Variants in C8orf34 observed in about 807,000 individuals in gnomAD.
The protein encoded by C8orf34 is uncharacterized protein C8orf34.
Under a neutral mutation model 68.3 loss-of-function variants are expected in C8orf34, and 65 were observed. The ratio of observed to expected loss-of-function variants is 0.95; its 90% CI spans 0.78 to 1.17. C8orf34 has a LOEUF of 1.17. C8orf34 is among the 50% of genes most tolerant of loss of function. The probability of loss-of-function intolerance (pLI) is 0.00; values close to 1 mark genes in which losing one functional copy is unlikely to be tolerated. For missense variants in C8orf34, 664 were observed against 655.4 expected (o/e 1.01, Z -0.14); for synonymous variants, 244 against 241.2 (o/e 1.01, Z -0.11).
intron 1 of C8orf34, among the ~76,000 whole-genome samples, chr8:68,413,503 C>T (rs1003086767): frequency 5.3e-5 from 8 of 152,304 alleles, no homozygotes; most frequent in Middle Eastern, 3.4e-3. Flanking sequence ...CTTTATCTCT[C>T]ATCTATCTGG....
intron 11 of C8orf34, among the ~76,000 whole-genome samples, chr8:68,784,822 G>GTGTGTA (rs1554613526): frequency 6.6e-6 from 1 of 152,070 alleles, no homozygotes; most frequent in Admixed American, 6.6e-5. Context: ...GTGTGTGTGT[G>GTGTGTA]TGTGTTTTCG....
At chr8:68,613,300 T>C (rs1818079547) in intron 7 of C8orf34, among the ~76,000 whole-genome samples, 2 of 152,102 alleles carry the variant, frequency 1.3e-5, no homozygotes, top group African/African-American at 2.4e-5. Flanking sequence ...CTTTTTATTT[T>C]ATTTTATTAT....
At chr8:68,717,684 G>T (rs1411710480) in intron 9 of C8orf34, among the ~76,000 whole-genome samples, 1 of 151,916 alleles carries the variant, frequency 6.6e-6, no homozygotes, top group Non-Finnish European at 1.5e-5. Flanking sequence ...TATACTAATA[G>T]ATGTGATATA....
chr8:68,409,250 A>G (rs1809340329), intron 1 of C8orf34, among the ~76,000 whole-genome samples: 1 of 152,162 alleles, frequency 6.6e-6, no homozygotes, highest in Non-Finnish European at 1.5e-5. Context: ...ACTGGAAAAC[A>G]CTCTTAGGCA....
chr8:68,344,649 C>T (rs1175592760), intron 1 of C8orf34, among the ~76,000 whole-genome samples: 1 of 151,908 alleles, frequency 6.6e-6, no homozygotes, highest in Non-Finnish European at 1.5e-5. Flanking sequence ...ATGTTCCCAG[C>T]CCAAAATATA....
chr8:68,637,609 C>T (rs1049702763), intron 7 of C8orf34, among the ~76,000 whole-genome samples: 1 of 152,260 alleles, frequency 6.6e-6, no homozygotes, highest in East Asian at 1.9e-4. Context: ...TTGGGTTACA[C>T]ATGTGAATCT....
chr8:68,374,737 G>T (rs954578542), intron 1 of C8orf34, among the ~76,000 whole-genome samples: 1 of 152,074 alleles, frequency 6.6e-6, no homozygotes, highest in African/African-American at 2.4e-5. Context: ...TTGGCCCAAG[G>T]TTGCATCCAA....
intron 7 of C8orf34, among the ~76,000 whole-genome samples, chr8:68,540,713 A>G (rs916762727): frequency 2.0e-5 from 3 of 152,028 alleles, no homozygotes; most frequent in African/African-American, 4.8e-5. Flanking sequence ...GTGGTGGTGC[A>G]TGCCTGTAAT....
chr8:68,658,600 C>T (rs1819579527), intron 8 of C8orf34, among the ~76,000 whole-genome samples: 1 of 152,084 alleles, frequency 6.6e-6, no homozygotes, highest in Admixed American at 6.6e-5. Flanking sequence ...CCTTCTATTT[C>T]TTCTTTTCTC....
At position 68,690,681 on chromosome 8, in the gene C8orf34, T is replaced by C. The variant is rs538930767; in HGVS notation, c.1242-18313T>C. 3.3e-5 allele frequency among the ~76,000 whole-genome samples: 5 copies of C among 152,070 alleles called. No homozygotes were observed. In the South Asian group the frequency reaches 1.0e-3, roughly 32 times the overall value. On this transcript the variant is annotated intron_variant, in intron 8 of 13. Coordinates refer to ENST00000518698, the MANE Select transcript of C8orf34 (RefSeq NM_052958.4). ...GGCCCATTTCTTATTACTGTCAAAG[T>C]AGAGACTAAATTTCAGCATATAAAT...
intron 7 of C8orf34, among the ~76,000 whole-genome samples, chr8:68,604,473 A>C (rs1326859688): frequency 6.6e-6 from 1 of 152,160 alleles, no homozygotes; most frequent in Non-Finnish European, 1.5e-5. Context: ...GTTCTAGATG[A>C]ACAACAAATT....
chr8:68,721,598 G>A (rs1821679907), intron 10 of C8orf34, among the ~76,000 whole-genome samples, 161 bp downstream of exon 10: 2 of 151,866 alleles, frequency 1.3e-5, no homozygotes, highest in East Asian at 3.8e-4. Context: ...AACTAGATGG[G>A]AAAAGTGAAG....
intron 10 of C8orf34, among the ~76,000 whole-genome samples, chr8:68,756,542 A>C (rs1822865081): frequency 6.6e-6 from 1 of 152,200 alleles, no homozygotes; most frequent in Admixed American, 6.5e-5. Context: ...GGAAACTTTA[A>C]GGATGGAAAG....
intron 8 of C8orf34, among the ~76,000 whole-genome samples, chr8:68,703,184 G>A (rs116169277): frequency 0.023 from 3,441 of 152,086 alleles, 133 homozygotes; most frequent in African/African-American, 0.077. Flanking sequence ...TACTATCATA[G>A]GCTCTGTGAT....
At chr8:68,806,189 A>G (rs1330423232) in intron 12 of C8orf34, among the ~76,000 whole-genome samples, 1 of 152,082 alleles carries the variant, frequency 6.6e-6, no homozygotes, top group Non-Finnish European at 1.5e-5. Context: ...TTAAAACACC[A>G]TAAGGCTTTA....
intron 7 of C8orf34, among the ~76,000 whole-genome samples, chr8:68,596,648 C>A (rs1272127579): frequency 6.6e-6 from 1 of 152,076 alleles, no homozygotes; most frequent in Non-Finnish European, 1.5e-5. Flanking sequence ...GTGACACCTG[C>A]ATATCTGTGG....
chr8:68,339,682 C>T lies in C8orf34; in HGVS notation c.327+8343C>T, dbSNP rs77175679. On this transcript the variant is annotated intron_variant, in intron 1 of 13. Coordinates refer to ENST00000518698, the MANE Select transcript of C8orf34 (RefSeq NM_052958.4). ...AATGGATTATTACCTAAATGTAAAA[C>T]CTTTTTTCTTCTCAAAGAGAGTGTA... 7.9e-3 allele frequency among the ~76,000 whole-genome samples: 1,195 copies of T among 151,954 alleles called. 19 individuals carry two copies. The highest frequency in any genetic ancestry group is 0.026 in the African/African-American group (1,099 of 41,530).
chr8:68,788,837 G>A (rs148014066), intron 12 of C8orf34, among the ~76,000 whole-genome samples: 202 of 151,834 alleles, frequency 1.3e-3, no homozygotes, highest in African/African-American at 4.6e-3. Flanking sequence ...CCCGCCTGGC[G>A]ACAGAGCGAG....
At chr8:68,656,756 G>A (rs943155959) in intron 8 of C8orf34, among the ~76,000 whole-genome samples, 1 of 152,092 alleles carries the variant, frequency 6.6e-6, no homozygotes, top group Non-Finnish European at 1.5e-5. Flanking sequence ...TGGAGACCCT[G>A]GATCCCTCTG....
Sources: gnomAD v4.1 joint callset for allele counts (sites outside exome capture counted in the v4.1 genomes callset) on GRCh38, gnomAD v4.1.1 for gene constraint, MANE v1.5 for transcripts, NCBI Gene and HGNC (gene_info 2026-07-23, HGNC 2026-07-21) for gene names.